The following YPEL2 variants were observed in gnomAD, a reference collection of about 807,000 sequenced individuals.
YPEL2 encodes the protein protein yippee-like 2.
A neutral mutation model predicts 19.1 loss-of-function variants in YPEL2; 2 were observed. The observed-to-expected ratio is 0.10, with a 90% CI of 0.04 to 0.33. The LOEUF (loss-of-function observed/expected upper bound fraction) is 0.33, where lower values mean the gene tolerates loss of function less well. Among genes scored for constraint, YPEL2 ranks in the 10% least tolerant of loss-of-function variants. The probability of loss-of-function intolerance (pLI) is 1.00; values close to 1 mark genes in which losing one functional copy is unlikely to be tolerated. For missense variants in YPEL2, 66 were observed against 140.7 expected (o/e 0.47, Z 2.68); for synonymous variants, 52 against 50.0 (o/e 1.04, Z -0.17).
intron 2 of YPEL2, among the ~76,000 whole-genome samples, chr17:59,383,590 AAAAAAAAAAAAAAAAAAAAATATATATAT>A (rs2047961897): frequency 2.1e-5 from 1 of 46,778 alleles, no homozygotes; most frequent in African/African-American, 1.1e-4. Flanking sequence ...AAAAAAAAAA[AAAAAAAAAAAAAAAAAAAAATATATATAT>A]ATATATATAT....
intron 2 of YPEL2, among the ~76,000 whole-genome samples, chr17:59,368,366 G>A (rs1270695534): frequency 6.6e-6 from 1 of 152,174 alleles, no homozygotes; most frequent in Non-Finnish European, 1.5e-5. Flanking sequence ...TTGCAGGCGT[G>A]AACCGTGCAC....
At chr17:59,354,465 G>GA (rs2047802632) in intron 2 of YPEL2, 1 of 152,136 alleles carries the variant, frequency 6.6e-6, no homozygotes, top group Non-Finnish European at 1.5e-5. Flanking sequence ...AGACCTGCTG[G>GA]AAAAGGTGGC....
chr17:59,331,672 C>G lies in YPEL2; in HGVS notation c.-348C>G, dbSNP rs2047669709. On this transcript the variant is annotated 5_prime_UTR_variant, in exon 1 of 5. Coordinates refer to ENST00000312655, the MANE Select transcript of YPEL2 (RefSeq NM_001005404.4). ...CACGGGGTAGCCCCCGGCCCGGACC[C>G]GGAGGGATGCGGAGTGGCGGCCGCG... 6.5e-6 allele frequency: 1 copy of G among 153,274 alleles called. No homozygotes were observed. The allele number at this position is 153,274 out of a possible 1,614,324, so 9.5% of individuals were successfully genotyped here.
chr17:59,343,442 A>G (rs550594433), intron 1 of YPEL2, among the ~76,000 whole-genome samples: 44 of 152,280 alleles, frequency 2.9e-4, no homozygotes, highest in Non-Finnish European at 4.4e-4. Flanking sequence ...ACTCATGAAC[A>G]GTGTGATAAA....
At chr17:59,385,989 A>G (rs1428707086) in intron 2 of YPEL2, among the ~76,000 whole-genome samples, 2 of 152,120 alleles carry the variant, frequency 1.3e-5, no homozygotes, top group Non-Finnish European at 2.9e-5. Flanking sequence ...GAGTGAGATA[A>G]ATAAACAGAT....
intron 4 of YPEL2, among the ~76,000 whole-genome samples, chr17:59,394,372 A>G (rs1183987822): frequency 7.0e-6 from 1 of 141,952 alleles, no homozygotes; most frequent in Non-Finnish European, 1.5e-5. Context: ...CACATCCCAG[A>G]CGGGGCGGCG....
intron 2 of YPEL2, among the ~76,000 whole-genome samples, chr17:59,361,254 T>C (rs1044046760): frequency 6.6e-6 from 1 of 152,224 alleles, no homozygotes; most frequent in African/African-American, 2.4e-5. Context: ...TATCATCTTA[T>C]TGATTCCATT....
Position 59,353,859 on chromosome 17 carries a change from G to T in YPEL2, c.117+333G>T, listed in dbSNP as rs1296766701. On this transcript the variant is annotated intron_variant, in intron 2 of 4. Coordinates refer to ENST00000312655, the MANE Select transcript of YPEL2 (RefSeq NM_001005404.4). The surrounding 1 kb of genome is among the most constrained non-coding windows in gnomAD (Gnocchi z 4.8). Reference sequence around the variant, plus strand: ...GGTTGGCGGACGAAGAGTGAAGAGTGCTCCCTGCTCAGAAGGTGAATTCTG... The same window carrying T: ...GGTTGGCGGACGAAGAGTGAAGAGTTCTCCCTGCTCAGAAGGTGAATTCTG... 3 of 354,494 alleles carry T rather than the reference G, an allele frequency of 8.5e-6. No individual in the cohort carries two copies. The highest frequency in any genetic ancestry group is 1.6e-5 in the Non-Finnish European group (3 of 182,776). The allele number at this position is 354,494 out of a possible 1,614,324, so 22.0% of individuals were successfully genotyped here. A position where few individuals can be genotyped will look rare whatever the true frequency, so the allele number is the denominator to read the frequency against.
chr17:59,389,704 T>C (rs2047998189), intron 4 of YPEL2, among the ~76,000 whole-genome samples: 1 of 151,788 alleles, frequency 6.6e-6, no homozygotes, highest in Non-Finnish European at 1.5e-5. Flanking sequence ...TAAATAATAA[T>C]AGTAATGGCA....
intron 2 of YPEL2, among the ~76,000 whole-genome samples, chr17:59,366,914 C>T (rs1164506093): frequency 2.0e-5 from 3 of 152,196 alleles, no homozygotes; most frequent in South Asian, 2.1e-4. Context: ...AGGAGAGTTC[C>T]TCCCTGTCCA....
intron 1 of YPEL2, among the ~76,000 whole-genome samples, chr17:59,347,620 G>A (rs1699799864): frequency 6.6e-6 from 1 of 152,232 alleles, no homozygotes; most frequent in South Asian, 2.1e-4. Flanking sequence ...TGAGAGCATG[G>A]CCACTGAGGA....
At position 59,371,507 on chromosome 17, in the gene YPEL2, T is replaced by A. The variant is rs149139160; in HGVS notation, c.118-16820T>A. Among the ~76,000 whole-genome samples, 3 of 152,290 alleles carry A rather than the reference T, an allele frequency of 2.0e-5. No individual in the cohort carries two copies. In the East Asian group the frequency reaches 5.8e-4, roughly 29 times the overall value. On this transcript the variant is annotated intron_variant, in intron 2 of 4. Transcript: ENST00000312655. Reference sequence around the variant, plus strand: ...TAAGTGTTGAGAGGCAAGCAAACTCTGTGTTTGTGTGAGCTGGAGAATGCA... The same window carrying A: ...TAAGTGTTGAGAGGCAAGCAAACTCAGTGTTTGTGTGAGCTGGAGAATGCA...
At chr17:59,356,386 A>AG (rs35909196) in intron 2 of YPEL2, 12,007 of 152,030 alleles carry the variant, frequency 0.079, 581 homozygotes, top group South Asian at 0.15. Context: ...AACTGGGACT[A>AG]GGACTAGAAC....
intron 1 of YPEL2, among the ~76,000 whole-genome samples, chr17:59,333,319 C>G (rs753237543): frequency 2.0e-5 from 3 of 152,214 alleles, no homozygotes; most frequent in Non-Finnish European, 4.4e-5. Context: ...GCAGTGGGAG[C>G]CTCATCCGCT....
At chr17:59,348,815 GC>G (rs538965331) in intron 1 of YPEL2, among the ~76,000 whole-genome samples, 197 of 152,244 alleles carry the variant, frequency 1.3e-3, no homozygotes, top group African/African-American at 4.4e-3. Flanking sequence ...GGACCCTGTT[GC>G]CCCATTAACA....
intron 4 of YPEL2, among the ~76,000 whole-genome samples, chr17:59,396,745 T>G (rs898325618): frequency 6.6e-6 from 1 of 152,138 alleles, no homozygotes; most frequent in Non-Finnish European, 1.5e-5. Flanking sequence ...GGCATTTCCT[T>G]GGCCGGGTAT....
chr17:59,389,995 A>ATTTAT (rs1217498673), intron 4 of YPEL2, among the ~76,000 whole-genome samples: 4 of 151,960 alleles, frequency 2.6e-5, no homozygotes, highest in South Asian at 2.1e-4. Flanking sequence ...TATTAGGCAA[A>ATTTAT]TTTATTTTAT....
chr17:59,376,507 C>T (rs2047921495), intron 2 of YPEL2, among the ~76,000 whole-genome samples: 1 of 152,186 alleles, frequency 6.6e-6, no homozygotes, highest in Non-Finnish European at 1.5e-5. Flanking sequence ...TGTGAGCCAC[C>T]ATGTCCGGCC....
At chr17:59,364,618 T>G in intron 2 of YPEL2, among the ~76,000 whole-genome samples, 1 of 124,300 alleles carries the variant, frequency 8.0e-6, no homozygotes, top group African/African-American at 3.3e-5. Context: ...GTGTCTTTTT[T>G]TTTTTTTTTT....
Sources: allele counts gnomAD v4.1 joint callset (sites outside exome capture counted in the v4.1 genomes callset), GRCh38; gene constraint gnomAD v4.1.1; non-coding constraint Gnocchi (gnomAD v3.1); transcripts MANE v1.5; gene names NCBI Gene and HGNC (gene_info 2026-07-23, HGNC 2026-07-21).